The following ATG3 variants were observed in gnomAD, a reference collection of about 807,000 sequenced individuals.
The protein encoded by ATG3 is ubiquitin-like-conjugating enzyme ATG3.
A neutral mutation model predicts 50.7 loss-of-function variants in ATG3; 25 were observed. The observed-to-expected ratio is 0.49, with a 90% confidence interval of 0.36 to 0.69. ATG3 has a LOEUF of 0.69. Ranked by LOEUF, ATG3 falls within the 30% of genes least tolerant of loss-of-function variation. ATG3 has a pLI of 0.00. For synonymous variants in ATG3, 119 were observed against 125.5 expected, an observed-to-expected ratio of 0.95 and a Z score of 0.34; for missense variants, 281 against 376.0, an observed-to-expected ratio of 0.75 and a Z score of 2.09.
At chr3:112,541,123 TCA>T (rs1217237092) in intron 7 of ATG3, among the ~76,000 whole-genome samples, 1 of 152,080 alleles carries the variant, frequency 6.6e-6, no homozygotes, top group Non-Finnish European at 1.5e-5. Context: ...GCACAGTGGC[TCA>T]CACCTGTAAT....
At chr3:112,540,004 T>TA (rs2107371831) in intron 7 of ATG3, among the ~76,000 whole-genome samples, 1 of 152,306 alleles carries the variant, frequency 6.6e-6, no homozygotes, top group South Asian at 2.1e-4. Context: ...GTGATGTCAG[T>TA]TTCTGACAAC....
intron 4 of ATG3, among the ~76,000 whole-genome samples, chr3:112,549,797 C>A (rs371370156): frequency 0.092 from 2,443 of 26,414 alleles, 62 homozygotes; most frequent in African/African-American, 0.32. Flanking sequence ...CTCAAAACAA[C>A]CAAAAAAAAA....
intron 5 of ATG3, among the ~76,000 whole-genome samples, chr3:112,546,574 A>G (rs752426662): frequency 3.3e-5 from 5 of 152,046 alleles, no homozygotes; most frequent in African/African-American, 4.8e-5. Flanking sequence ...TATACATCCT[A>G]TGGGTTGTTT....
At chr3:112,546,732 T>C (rs1046269877) in intron 5 of ATG3, among the ~76,000 whole-genome samples, 8 of 152,148 alleles carry the variant, frequency 5.3e-5, no homozygotes, top group African/African-American at 1.7e-4. Flanking sequence ...GCACAATCAA[T>C]GGATCCAGTC....
chr3:112,545,746 A>C (rs1933351684), intron 5 of ATG3, among the ~76,000 whole-genome samples: 1 of 152,204 alleles, frequency 6.6e-6, no homozygotes, highest in Non-Finnish European at 1.5e-5. Context: ...CAGTTGACAA[A>C]GAAAAAGAAA....
intron 5 of ATG3, among the ~76,000 whole-genome samples, chr3:112,546,628 G>A (rs1394612926): frequency 6.6e-6 from 1 of 152,174 alleles, no homozygotes; most frequent in African/African-American, 2.4e-5. Flanking sequence ...AGAAGAAAAC[G>A]CCCAGGAAAA....
At chr3:112,541,401 AG>A (rs1174053849) in intron 7 of ATG3, among the ~76,000 whole-genome samples, 1 of 152,152 alleles carries the variant, frequency 6.6e-6, no homozygotes, top group Non-Finnish European at 1.5e-5. Flanking sequence ...GAAAAAAAAA[AG>A]GCCCCATTGA....
chr3:112,533,452 GT>G, intron 11 of ATG3: 1 of 985,248 alleles, frequency 1.0e-6, no homozygotes, highest in Non-Finnish European at 1.2e-6. Context: ...TGGACTGGAA[GT>G]TTTTGGTTTG....
intron 8 of ATG3, 67 bp from the exon 9 acceptor site, chr3:112,537,957 T>G: frequency 6.9e-7 from 1 of 1,440,376 alleles, no homozygotes; most frequent in Non-Finnish European, 9.5e-7. Context: ...TCTAGAAAAC[T>G]TATTTTTTCC....
At chr3:112,534,557 A>G (rs1398859215) in intron 10 of ATG3, 1 of 269,872 alleles carries the variant, frequency 3.7e-6, no homozygotes, top group Non-Finnish European at 6.8e-6. Flanking sequence ...CCGAAACACA[A>G]AAGATAACAG....
chr3:112,555,844 AATTG>A (rs1224198426), intron 2 of ATG3, among the ~76,000 whole-genome samples: 2 of 152,180 alleles, frequency 1.3e-5, no homozygotes, highest in African/African-American at 4.8e-5. Flanking sequence ...AAAATTCATA[AATTG>A]ATTGATGTTG....
At chr3:112,548,278 G>C (rs1377080157) in intron 5 of ATG3, among the ~76,000 whole-genome samples, 1 of 152,152 alleles carries the variant, frequency 6.6e-6, no homozygotes, top group African/African-American at 2.4e-5. Context: ...CTTGAACCCG[G>C]GAGGTGGAGG....
chr3:112,537,583 G>A, intron 9 of ATG3, 152 bp downstream of exon 9: 1 of 522,824 alleles, frequency 1.9e-6, no homozygotes, highest in Non-Finnish European at 3.2e-6. Context: ...AAATAAGAAA[G>A]AATCAAGTTC....
intron 2 of ATG3, among the ~76,000 whole-genome samples, chr3:112,554,792 T>C (rs1446598260): frequency 6.6e-6 from 1 of 152,234 alleles, no homozygotes; most frequent in Non-Finnish European, 1.5e-5. Context: ...AGCATATAAT[T>C]CTATCAAATA....
intron 11 of ATG3, chr3:112,533,902 CAG>C (rs2082573344): frequency 9.7e-7 from 1 of 1,036,002 alleles, no homozygotes; most frequent in East Asian, 7.7e-5. Flanking sequence ...TTATTTGCTT[CAG>C]AGACACCTCA....
At chr3:112,559,338 C>T (rs1165250190) in intron 1 of ATG3, among the ~76,000 whole-genome samples, 1 of 152,130 alleles carries the variant, frequency 6.6e-6, no homozygotes, top group Non-Finnish European at 1.5e-5. Context: ...AATGAAAACA[C>T]TCATTTATAA....
chr3:112,558,940 T>C (rs1933760478), intron 1 of ATG3, among the ~76,000 whole-genome samples: 1 of 152,182 alleles, frequency 6.6e-6, no homozygotes, highest in Non-Finnish European at 1.5e-5. Context: ...GGTTTCTCCA[T>C]GTTTGTCAGG....
rs575612377 is a variant in ATG3 at position 112,545,362 on chromosome 3, T to C, written c.344-1256A>G. Among the ~76,000 whole-genome samples the C allele has an allele frequency of 7.9e-5, 12 of 152,350 alleles. No individual in the cohort carries two copies. In the South Asian group the frequency reaches 2.1e-3, roughly 26 times the overall value. On this transcript the variant is annotated intron_variant, in intron 5 of 11. Transcript: ENST00000283290. ...AAAGTACCTGTCAATGTTAACAAAA[T>C]AGTTTAACAAGAATAAGAAATATAG...
At chr3:112,560,773 T>C (rs1164584475) in intron 1 of ATG3, among the ~76,000 whole-genome samples, 5 of 152,324 alleles carry the variant, frequency 3.3e-5, no homozygotes, top group Middle Eastern at 3.4e-3. Context: ...GTCACAATTT[T>C]TTACTTTAAA....
Sources: allele counts gnomAD v4.1 joint callset (sites outside exome capture counted in the v4.1 genomes callset), GRCh38; gene constraint gnomAD v4.1.1; transcripts MANE v1.5; gene names NCBI Gene and HGNC (gene_info 2026-07-23, HGNC 2026-07-21).